The following MAGI2 variants were observed in gnomAD, a reference collection of about 807,000 sequenced individuals.
MAGI2 encodes the protein membrane-associated guanylate kinase, WW and PDZ domain-containing protein 2.
MAGI2 carries 35 observed loss-of-function variants against 133.3 expected under a neutral mutation model. That is an observed-to-expected ratio of 0.26 (90% confidence interval 0.20 to 0.35). The LOEUF is 0.35. Among genes scored for constraint, MAGI2 ranks in the 10% least tolerant of loss-of-function variants. The pLI is 1.00. For missense variants in MAGI2, 1,636 were observed against 1,863.4 expected (o/e 0.88, Z 2.25); for synonymous variants, 729 against 710.6 (o/e 1.03, Z -0.41).
At chr7:79,292,923 G>A (rs2129558944) in intron 1 of MAGI2, among the ~76,000 whole-genome samples, 1 of 152,060 alleles carries the variant, frequency 6.6e-6, no homozygotes, top group South Asian at 2.1e-4. Flanking sequence ...GCTGGGTGTT[G>A]CTTGCCATTA....
chr7:79,010,352 A>G (rs1281529985), intron 1 of MAGI2, among the ~76,000 whole-genome samples: 2 of 152,090 alleles, frequency 1.3e-5, no homozygotes, highest in African/African-American at 4.8e-5. Context: ...TTTCAATTAG[A>G]GAGGAATTAA....
intron 10 of MAGI2, among the ~76,000 whole-genome samples, chr7:78,237,038 C>G (rs1181380972): frequency 6.6e-6 from 1 of 152,084 alleles, no homozygotes; most frequent in Non-Finnish European, 1.5e-5. Context: ...CTCACCAGGT[C>G]CCTCCCACAA....
intron 1 of MAGI2, among the ~76,000 whole-genome samples, chr7:79,326,828 C>T (rs1172770756): frequency 6.6e-6 from 1 of 152,110 alleles, no homozygotes; most frequent in East Asian, 1.9e-4. Flanking sequence ...AGAATGGCAA[C>T]TCCCTCGTGC....
At chr7:78,118,913 C>A (rs78580738) in intron 20 of MAGI2, among the ~76,000 whole-genome samples, 14,483 of 152,274 alleles carry the variant, frequency 0.095, 876 homozygotes, top group Non-Finnish European at 0.13. Flanking sequence ...ATATTGATAG[C>A]AGCTCTATTC....
chr7:79,414,433 T>A (rs554761611), intron 1 of MAGI2: 1 of 152,264 alleles, frequency 6.6e-6, no homozygotes, highest in Non-Finnish European at 1.5e-5. Context: ...TTCCATTTAT[T>A]TAGTTCAGAC....
intron 2 of MAGI2, among the ~76,000 whole-genome samples, chr7:78,909,345 G>A (rs563161001): frequency 2.6e-5 from 4 of 151,090 alleles, no homozygotes; most frequent in Non-Finnish European, 4.4e-5. Flanking sequence ...TGTAATCCCA[G>A]CACTTTGGGA....
At chr7:78,442,884 C>A (rs1224530452) in intron 6 of MAGI2, among the ~76,000 whole-genome samples, 1 of 152,082 alleles carries the variant, frequency 6.6e-6, no homozygotes, top group Non-Finnish European at 1.5e-5. Flanking sequence ...GTCTATAATA[C>A]AAGATTAGAA....
chr7:79,423,978 A>C (rs1220773680), intron 1 of MAGI2, among the ~76,000 whole-genome samples: 2 of 152,160 alleles, frequency 1.3e-5, no homozygotes, highest in Non-Finnish European at 2.9e-5. Flanking sequence ...AACTATGTAT[A>C]TATATTCCTA....
In MAGI2 at chr7:78,590,646, C is replaced by T. The variant is rs566996429; in HGVS notation, c.538+36474G>A. ...CAGTACAAATGCTTTTTGCTAGTCACGTGGGTTGTCACTGCAGAAGCCACA... is the reference window on the plus strand; with the variant it reads ...CAGTACAAATGCTTTTTGCTAGTCATGTGGGTTGTCACTGCAGAAGCCACA... On this transcript the variant is annotated intron_variant, in intron 3 of 21. Coordinates refer to ENST00000354212, the MANE Select transcript of MAGI2 (RefSeq NM_012301.4). 7.2e-5 allele frequency among the ~76,000 whole-genome samples: 11 copies of T among 152,254 alleles called. No homozygotes were observed. The South Asian group carries it at 2.1e-3, about 29-fold the overall frequency.
intron 1 of MAGI2, among the ~76,000 whole-genome samples, chr7:79,044,779 G>A (rs1374750255): frequency 1.3e-5 from 2 of 152,142 alleles, no homozygotes; most frequent in East Asian, 1.9e-4. Context: ...CACCAGTATT[G>A]TTTAAGCTAA....
At chr7:78,026,456 A>G (rs1808925823) in intron 21 of MAGI2, among the ~76,000 whole-genome samples, 1 of 152,248 alleles carries the variant, frequency 6.6e-6, no homozygotes, top group Admixed American at 6.5e-5. Flanking sequence ...AGAAGAGGAA[A>G]GCATAACCCA....
chr7:79,411,853 A>T (rs912124104), intron 1 of MAGI2: 1 of 152,016 alleles, frequency 6.6e-6, no homozygotes, highest in African/African-American at 2.4e-5. Flanking sequence ...TATTGACATG[A>T]AAGGAAAAAT....
chr7:79,390,347 CTTCTCCAT>C (rs1844512072), intron 1 of MAGI2, among the ~76,000 whole-genome samples: 1 of 152,178 alleles, frequency 6.6e-6, no homozygotes, highest in Admixed American at 6.5e-5. Flanking sequence ...CAAGTATAAT[CTTCTCCAT>C]TTGGAAAGTT....
At chr7:78,176,908 G>GACTCTCACAC (rs781171770) in intron 14 of MAGI2, among the ~76,000 whole-genome samples, 54 of 130,484 alleles carry the variant, frequency 4.1e-4, no homozygotes, top group African/African-American at 1.3e-3. Flanking sequence ...ACCATATATA[G>GACTCTCACAC]ACACACACAC....
chr7:78,310,689 G>C (rs192898679), intron 9 of MAGI2, among the ~76,000 whole-genome samples: 8 of 152,116 alleles, frequency 5.3e-5, no homozygotes, highest in Admixed American at 2.0e-4. Context: ...CATGAAGAGA[G>C]GACAAGCTTA....
chr7:79,121,257 A>G (rs1819865430), intron 1 of MAGI2, among the ~76,000 whole-genome samples: 1 of 152,160 alleles, frequency 6.6e-6, no homozygotes, highest in South Asian at 2.1e-4. Context: ...AAAAGCTTAC[A>G]TTAATTATGA....
At chr7:79,041,590 G>C (rs547368231) in intron 1 of MAGI2, among the ~76,000 whole-genome samples, 2 of 152,042 alleles carry the variant, frequency 1.3e-5, no homozygotes, top group East Asian at 3.9e-4. Context: ...CTAAATCTGA[G>C]GCTTTCTCAT....
rs377420789 is a variant in MAGI2, at chr7:79,007,256, G to C, written c.302-50C>G. The C allele has an allele frequency of 4.4e-5, 47 of 1,075,530 alleles. No individual in the cohort carries two copies. The African/African-American group carries it at 6.9e-4, about 16-fold the overall frequency. The allele number at this position is 1,075,530 out of a possible 1,614,324, so 66.6% of individuals were successfully genotyped here. ...TAAGGGATGTTGGAAAATATTTTAA[G>C]CATGTAATTTGATTCTGTCATCAAT... On this transcript the variant is annotated intron_variant, in intron 1 of 21. Transcript: ENST00000354212.
chr7:78,233,694 A>AG (rs916106101), intron 10 of MAGI2, among the ~76,000 whole-genome samples: 12 of 152,272 alleles, frequency 7.9e-5, no homozygotes, highest in African/African-American at 2.9e-4. Context: ...TATAGGCTAA[A>AG]GGTAAGGTGC....
Sources: gnomAD v4.1 joint callset for allele counts (sites outside exome capture counted in the v4.1 genomes callset) on GRCh38, gnomAD v4.1.1 for gene constraint, MANE v1.5 for transcripts, NCBI Gene and HGNC (gene_info 2026-07-23, HGNC 2026-07-21) for gene names.